MRGPRX3: variants seen among roughly 807,000 people sequenced by gnomAD.
MRGPRX3 encodes mas-related G protein-coupled receptor member X3.
Under a neutral mutation model 16.5 loss-of-function variants are expected in MRGPRX3, and 14 were observed. The observed-to-expected ratio is 0.85, with a 90% CI of 0.56 to 1.33. The LOEUF (loss-of-function observed/expected upper bound fraction) is 1.33, where lower values mean the gene tolerates loss of function less well. Among genes scored for constraint, MRGPRX3 ranks in the 40% most tolerant of loss-of-function variants. The pLI, the probability that MRGPRX3 is intolerant of heterozygous loss-of-function variation, is 0.00. For synonymous variants in MRGPRX3, 199 were observed against 180.1 expected, an observed-to-expected ratio of 1.10 and a Z score of -0.84; for missense variants, 449 against 413.0, an observed-to-expected ratio of 1.09 and a Z score of -0.76.
chr11:18,126,883 G>A (rs2134080677), intron 1 of MRGPRX3, among the ~76,000 whole-genome samples: 1 of 152,306 alleles, frequency 6.6e-6, no homozygotes, highest in East Asian at 1.9e-4. Context: ...TCTTAATCCA[G>A]TCTATCATTG....
At chr11:18,122,933 G>A (rs1295680279) in intron 1 of MRGPRX3, among the ~76,000 whole-genome samples, 1 of 152,032 alleles carries the variant, frequency 6.6e-6, no homozygotes, top group Non-Finnish European at 1.5e-5. Context: ...TTCTCTGATG[G>A]CCAGTGATGG....
chr11:18,121,819 A>G (rs1848841017), intron 1 of MRGPRX3, among the ~76,000 whole-genome samples: 1 of 152,106 alleles, frequency 6.6e-6, no homozygotes. Flanking sequence ...GTTAAGAGTC[A>G]TCACCACTCC....
chr11:18,123,619 T>C (rs954835414), intron 1 of MRGPRX3, among the ~76,000 whole-genome samples: 44 of 152,214 alleles, frequency 2.9e-4, no homozygotes, highest in Middle Eastern at 3.4e-3. Flanking sequence ...AGTCAGGTAG[T>C]GTGATGCCTC....
At position 18,137,473 on chromosome 11, in the gene MRGPRX3, C is replaced by A. The variant is rs753026066; in HGVS notation, c.271C>A (p.Arg91Ser). 5 of 1,614,034 alleles carry A rather than the reference C, an allele frequency of 3.1e-6. No individual in the cohort carries two copies. The highest frequency in any genetic ancestry group is 3.3e-5 in the Admixed American group (2 of 59,988). The change falls in exon 2 of 2, where the codon CGC (arginine) becomes AGC (serine). Residue 91 changes from arginine (R) to serine (S), a missense_variant. Physicochemically the swap from Arg to Ser is moderately radical, Grantham distance 110. Coordinates refer to ENST00000621697, the MANE Select transcript of MRGPRX3 (RefSeq NM_001370464.1). ...ICSPLRLINIRHPISKILSPV... is the reference protein window; with the variant it reads ...ICSPLRLINISHPISKILSPV... ...TTCGCCGTTACGCCTCATCAATATC[C>A]GCCATCCCATCTCCAAAATCCTCAG...
intron 1 of MRGPRX3, among the ~76,000 whole-genome samples, chr11:18,133,333 C>T (rs1848980432): frequency 6.6e-6 from 1 of 152,174 alleles, no homozygotes; most frequent in Non-Finnish European, 1.5e-5. Context: ...GGTGGGAGAG[C>T]ATGAGCAGGC....
intron 1 of MRGPRX3, among the ~76,000 whole-genome samples, chr11:18,125,765 T>G (rs1314361833): frequency 6.6e-6 from 1 of 152,192 alleles, no homozygotes; most frequent in Non-Finnish European, 1.5e-5. Flanking sequence ...GTCTTGTTGA[T>G]CTATCTAATA....
rs1396215732 is a variant in MRGPRX3, at chr11:18,137,403, C to A, written c.201C>A (p.Asn67Lys). Residue 67 changes from asparagine (N) to lysine (K), a missense_variant, in exon 2 of 2, where the codon AAC becomes AAA. Coordinates refer to ENST00000621697, the MANE Select transcript of MRGPRX3 (RefSeq NM_001370464.1). ...RRNAVSIYILNLVAADFLFLS... is the reference protein window; with the variant it reads ...RRNAVSIYILKLVAADFLFLS... ...ACGCTGTCTCCATCTACATCCTCAA[C>A]CTGGTCGCGGCCGACTTCCTCTTCC... 1 of 1,614,092 alleles carries A rather than the reference C, an allele frequency of 6.2e-7. No homozygotes were observed. The highest frequency in any genetic ancestry group is 1.3e-5 in the African/African-American group (1 of 74,926).
Position 18,137,298 on chromosome 11 carries a change from G to T in MRGPRX3, c.96G>T (p.Gly32=), listed in dbSNP as rs763576434. 5 of 1,614,056 alleles carry T rather than the reference G, an allele frequency of 3.1e-6. No individual in the cohort carries two copies. The African/African-American group carries it at 6.7e-5, about 22-fold the overall frequency. The change falls in exon 2 of 2, where the codon GGG becomes GGT. Residue 32 remains glycine, a synonymous_variant. Transcript: ENST00000621697. ...ACAAGCAGACCCTGAGCTTCACGGG[G>T]CTGACGTGCATCGTTTCCCTTGTCG... ...PCYKQTLSFT[G]LTCIVSLVAL...
At chr11:18,133,592 CCCTCT>C in intron 1 of MRGPRX3, among the ~76,000 whole-genome samples, 1 of 152,266 alleles carries the variant, frequency 6.6e-6, no homozygotes, top group South Asian at 2.1e-4. Context: ...AGCACCTCCT[CCCTCT>C]CTCTTACTCC....
At position 18,138,295 on chromosome 11, in the gene MRGPRX3, C is replaced by T. The variant is rs1294768111; in HGVS notation, c.*124C>T. 5.5e-5 allele frequency: 80 copies of T among 1,442,920 alleles called. No individual in the cohort carries two copies. The highest frequency in any genetic ancestry group is 6.9e-5 in the Non-Finnish European group (74 of 1,074,502). The allele number at this position is 1,442,920 out of a possible 1,614,324, so 89.4% of individuals were successfully genotyped here. ...TGTCTCAGTGGTCCCTCAAGGTCTT[C>T]GAATAGATGTTTATCTAACCTGACA... On this transcript the variant is annotated 3_prime_UTR_variant, in exon 2 of 2. Transcript: ENST00000621697.
upstream of MRGPRX3, among the ~76,000 whole-genome samples, chr11:18,128,487 C>G (rs1240288682): frequency 6.6e-6 from 1 of 152,246 alleles, no homozygotes; most frequent in Non-Finnish European, 1.5e-5. Flanking sequence ...GCGGGCACCC[C>G]TCCCCTAGCC....
chr11:18,126,924 C>T (rs1293072589), intron 1 of MRGPRX3, among the ~76,000 whole-genome samples: 1 of 152,192 alleles, frequency 6.6e-6, no homozygotes, highest in Non-Finnish European at 1.5e-5. Context: ...CAAGTCTTTG[C>T]TATTGTGAAT....
In MRGPRX3 at chr11:18,138,094, A is replaced by C. The variant is rs112077980; in HGVS notation, c.892A>C (p.Thr298Pro). 8,509 of 1,614,120 alleles carry C rather than the reference A, an allele frequency of 5.3e-3. 451 individuals are homozygous for C. The African/African-American group carries it at 0.1, about 19-fold the overall frequency. ...GGTTCTCCAGAGGGCTCTGCAGGAC[A>C]CGCCTGAGGTGGATGAAGGTGGAGG... ...KLVLQRALQD[T>P]PEVDEGGGWL... Residue 298 changes from threonine to proline, a missense_variant, in exon 2 of 2, where the codon ACG becomes CCG. Physicochemically the swap from Thr to Pro is conservative, Grantham distance 38. Transcript: ENST00000621697.
chr11:18,135,647 C>T (rs1849001271), intron 1 of MRGPRX3, among the ~76,000 whole-genome samples: 2 of 152,178 alleles, frequency 1.3e-5, no homozygotes, highest in African/African-American at 4.8e-5. Context: ...TTCTCATTCT[C>T]TATCTGGAGT....
chr11:18,136,451 C>T (rs1381021888), intron 1 of MRGPRX3, among the ~76,000 whole-genome samples: 1 of 152,160 alleles, frequency 6.6e-6, no homozygotes, highest in African/African-American at 2.4e-5. Flanking sequence ...ATAGAGCTGT[C>T]CACAAATAGA....
intron 1 of MRGPRX3, among the ~76,000 whole-genome samples, chr11:18,133,300 A>T (rs1317394851): frequency 6.6e-6 from 1 of 152,206 alleles, no homozygotes; most frequent in African/African-American, 2.4e-5. Context: ...CATTGTCACT[A>T]TAGCCATAGC....
At chr11:18,121,574 A>C (rs1339113201) in intron 1 of MRGPRX3, among the ~76,000 whole-genome samples, 1 of 152,248 alleles carries the variant, frequency 6.6e-6, no homozygotes, top group Non-Finnish European at 1.5e-5. Context: ...AAAGGTGGGG[A>C]AAAGATTGAG....
Position 18,137,438 on chromosome 11 carries a change from A to G in MRGPRX3, c.236A>G (p.His79Arg). ...VAADFLFLSG[H>R]IICSPLRLIN... ...GCCGACTTCCTCTTCCTTAGCGGCC[A>G]CATTATATGTTCGCCGTTACGCCTC... is the stretch of plus-strand genomic sequence containing the variant. The change falls in exon 2 of 2, where the codon CAC (histidine) becomes CGC (arginine). Residue 79 changes from histidine (H) to arginine (R), a missense_variant. Physicochemically the swap from His to Arg is conservative, Grantham distance 29 (BLOSUM62 0). Transcript: ENST00000621697. 6.2e-7 allele frequency: 1 copy of G among 1,614,190 alleles called. No individual in the cohort carries two copies.
Position 18,137,418 on chromosome 11 carries a change from C to T in MRGPRX3, c.216C>T (p.Asp72=). ...ACATCCTCAACCTGGTCGCGGCCGACTTCCTCTTCCTTAGCGGCCACATTA... is the reference window on the plus strand; with the variant it reads ...ACATCCTCAACCTGGTCGCGGCCGATTTCCTCTTCCTTAGCGGCCACATTA... ...SIYILNLVAA[D]FLFLSGHIIC... The change falls in exon 2 of 2, where the codon GAC becomes GAT. Residue 72 remains aspartate (D), a synonymous_variant. Coordinates refer to ENST00000621697, the MANE Select transcript of MRGPRX3 (RefSeq NM_001370464.1). The T allele has an allele frequency of 6.2e-7, 1 of 1,614,194 alleles. No individual in the cohort carries two copies. Among genetic ancestry groups the T allele is most frequent in the Non-Finnish European group, 8.5e-7 (1 of 1,180,036 alleles).
Sources: gnomAD v4.1 joint callset for allele counts (sites outside exome capture counted in the v4.1 genomes callset) on GRCh38, gnomAD v4.1.1 for gene constraint, MANE v1.5 for transcripts, NCBI Gene and HGNC (gene_info 2026-07-23, HGNC 2026-07-21) for gene names.